Variants in ZNF469 observed in about 807,000 individuals in gnomAD.
The protein encoded by ZNF469 is zinc finger protein 469.
In ZNF469, 1 loss-of-function variant was observed where a neutral mutation model predicts 1.0. That is an observed-to-expected ratio of 1.00 (90% CI 0.35 to 4.73). ZNF469 has a LOEUF of 4.73. Among genes scored for constraint, ZNF469 ranks in the 30% most tolerant of loss-of-function variants. The probability of loss-of-function intolerance (pLI) is 0.16; values close to 1 mark genes in which losing one functional copy is unlikely to be tolerated. For missense variants in ZNF469, 6,100 were observed against 5,356.3 expected (o/e 1.14, Z -4.33); for synonymous variants, 2,703 against 2,363.4 (o/e 1.14, Z -4.17).
the ZNF469 span, among the ~76,000 whole-genome samples, chr16:88,168,210 A>T: frequency 6.6e-6 from 1 of 152,228 alleles, no homozygotes; most frequent in African/African-American, 2.4e-5. The surrounding 1 kb of genome is among the most constrained non-coding windows in gnomAD (Gnocchi z 4.3). Context: ...CAACTTCAAA[A>T]GACTGAAGTT....
the ZNF469 span, among the ~76,000 whole-genome samples, chr16:88,229,724 G>T: frequency 2.0e-5 from 3 of 152,252 alleles, no homozygotes; most frequent in Non-Finnish European, 4.4e-5. Flanking sequence ...GATGTCACGC[G>T]TGTGGATGTC....
chr16:88,196,680 G>A, the ZNF469 span, among the ~76,000 whole-genome samples: 1 of 152,182 alleles, frequency 6.6e-6, no homozygotes, highest in Admixed American at 6.5e-5. Flanking sequence ...CCCTTGCTCT[G>A]CCCAAATTGT....
the ZNF469 span, among the ~76,000 whole-genome samples, chr16:88,114,041 C>G: frequency 2.0e-5 from 3 of 152,300 alleles, no homozygotes; most frequent in Admixed American, 6.5e-5. Context: ...GGGTCTCCCC[C>G]ACCCCACAGC....
chr16:88,413,256 T>A (rs1306655351), intron 1 of ZNF469, among the ~76,000 whole-genome samples: 1 of 152,192 alleles, frequency 6.6e-6, no homozygotes, highest in Non-Finnish European at 1.5e-5. Context: ...AGGAAATGGC[T>A]GGGTGCTGAG....
At chr16:88,165,104 G>A in the ZNF469 span, among the ~76,000 whole-genome samples, 2 of 152,266 alleles carry the variant, frequency 1.3e-5, no homozygotes, top group African/African-American at 4.8e-5. Context: ...ATGGCTTTCA[G>A]TTGTGCTCAA....
At chr16:88,213,266 T>C in the ZNF469 span, among the ~76,000 whole-genome samples, 2 of 151,938 alleles carry the variant, frequency 1.3e-5, no homozygotes, top group African/African-American at 4.8e-5. Flanking sequence ...GCCCAGCTAA[T>C]GTTTTTGTAT....
the ZNF469 span, among the ~76,000 whole-genome samples, chr16:88,213,560 G>A: frequency 6.6e-6 from 1 of 152,198 alleles, no homozygotes; most frequent in Non-Finnish European, 1.5e-5. Context: ...AGAAGGACGT[G>A]TGTGCTCATC....
chr16:88,255,815 C>G, the ZNF469 span, among the ~76,000 whole-genome samples: 1 of 152,094 alleles, frequency 6.6e-6, no homozygotes, highest in Non-Finnish European at 1.5e-5. Flanking sequence ...TAGGATGTTT[C>G]TGTGTGGAGG....
At chr16:88,142,061 G>A in the ZNF469 span, among the ~76,000 whole-genome samples, 4 of 152,252 alleles carry the variant, frequency 2.6e-5, no homozygotes, top group Admixed American at 6.5e-5. Flanking sequence ...GCCTGATGCA[G>A]ATGATAGGAA....
chr16:88,206,853 G>T, the ZNF469 span, among the ~76,000 whole-genome samples: 24 of 16,002 alleles, frequency 1.5e-3, 8 homozygotes, highest in African/African-American at 8.4e-3. Flanking sequence ...GGAGGGGAGG[G>T]GAGGCCGCGG....
At chr16:88,224,099 T>A in the ZNF469 span, among the ~76,000 whole-genome samples, 1 of 152,350 alleles carries the variant, frequency 6.6e-6, no homozygotes, top group East Asian at 1.9e-4. Context: ...CGCCTGTTGT[T>A]TTCTCGGGGC....
chr16:88,219,843 C>G, the ZNF469 span, among the ~76,000 whole-genome samples: 6,234 of 152,256 alleles, frequency 0.041, 221 homozygotes, highest in Non-Finnish European at 0.063. Flanking sequence ...TCAGCTCTTT[C>G]CTCTGTCCCC....
At chr16:88,144,349 G>T in the ZNF469 span, among the ~76,000 whole-genome samples, 5 of 152,214 alleles carry the variant, frequency 3.3e-5, no homozygotes, top group Non-Finnish European at 7.3e-5. Context: ...AATAAAACAG[G>T]ACTCTGCCTG....
chr16:88,194,710 G>T, the ZNF469 span: 1 of 152,266 alleles, frequency 6.6e-6, no homozygotes, highest in Admixed American at 6.5e-5. Flanking sequence ...TTGTCAACAT[G>T]TCAATTGACT....
chr16:88,213,374 C>T, the ZNF469 span, among the ~76,000 whole-genome samples: 1 of 152,216 alleles, frequency 6.6e-6, no homozygotes, highest in South Asian at 2.1e-4. Context: ...GCTGGGATTA[C>T]AGGCATGAGC....
At chr16:88,355,497 G>A in the ZNF469 span, among the ~76,000 whole-genome samples, 11 of 152,320 alleles carry the variant, frequency 7.2e-5, no homozygotes, top group East Asian at 3.9e-4. Context: ...GCGTGGCGTC[G>A]GTGACCCGGG....
the ZNF469 span, among the ~76,000 whole-genome samples, chr16:88,327,836 G>A: frequency 1.3e-5 from 2 of 152,196 alleles, no homozygotes; most frequent in Non-Finnish European, 2.9e-5. Context: ...TGAGAAAACC[G>A]GCCGGATCCC....
chr16:88,122,949 C>A, the ZNF469 span, among the ~76,000 whole-genome samples: 2 of 94,594 alleles, frequency 2.1e-5, no homozygotes, highest in East Asian at 6.0e-4. Flanking sequence ...TTCAAGTGAT[C>A]CTCCAGAATA....
chr16:88,375,617 G>A, the ZNF469 span, among the ~76,000 whole-genome samples: 16,776 of 152,208 alleles, frequency 0.11, 965 homozygotes, highest in Middle Eastern at 0.2. Flanking sequence ...CCTTCCAGCC[G>A]TTGAAGAATC....
Sources: allele counts gnomAD v4.1 joint callset (sites outside exome capture counted in the v4.1 genomes callset), GRCh38; gene constraint gnomAD v4.1.1; non-coding constraint Gnocchi (gnomAD v3.1); transcripts MANE v1.5; gene names NCBI Gene and HGNC (gene_info 2026-07-23, HGNC 2026-07-21).